MKLN1: variants seen among roughly 807,000 people sequenced by gnomAD.
MKLN1 encodes muskelin.
Under a neutral mutation model 99.0 loss-of-function variants are expected in MKLN1, and 18 were observed. The observed-to-expected ratio is 0.18, with a 90% CI of 0.13 to 0.27. The LOEUF is 0.27. Ranked by LOEUF, MKLN1 falls within the 10% of genes least tolerant of loss-of-function variation. The probability of loss-of-function intolerance (pLI) is 1.00; values close to 1 mark genes in which losing one functional copy is unlikely to be tolerated. For synonymous variants in MKLN1, 288 were observed against 293.2 expected (o/e 0.98, Z 0.18); for missense variants, 621 against 875.9 (o/e 0.71, Z 3.67).
intron 3 of MKLN1, among the ~76,000 whole-genome samples, chr7:131,224,603 A>G (rs1797113065): frequency 6.6e-6 from 1 of 152,080 alleles, no homozygotes; most frequent in South Asian, 2.1e-4. Flanking sequence ...TTAGCAGGGC[A>G]TGGTGGCATG....
At chr7:131,281,912 G>A (rs531476350) in intron 3 of MKLN1, among the ~76,000 whole-genome samples, 11 of 151,936 alleles carry the variant, frequency 7.2e-5, no homozygotes, top group South Asian at 2.1e-4. Flanking sequence ...GGCCTCAAGC[G>A]TCCTCCCACC....
chr7:131,284,453 T>C (rs552800800), intron 3 of MKLN1, among the ~76,000 whole-genome samples: 1 of 152,218 alleles, frequency 6.6e-6, no homozygotes, highest in Admixed American at 6.5e-5. Context: ...TATATTGATA[T>C]GTGGATTGTC....
Position 131,489,686 on chromosome 7 carries a change from AC to A in MKLN1, c.*1960del, listed in dbSNP as rs2116719893. ...AGCAAGTGAAATTCTGCTGCCCTCC[AC>A]CATTTATTTTTACAGTGCTTTGTAA... On this transcript the variant is annotated 3_prime_UTR_variant, in exon 18 of 18. Coordinates refer to ENST00000352689, the MANE Select transcript of MKLN1 (RefSeq NM_013255.5). 1.3e-5 allele frequency: 2 copies of A among 152,150 alleles called. No individual in the cohort carries two copies. The highest frequency in any genetic ancestry group is 2.1e-4 in the South Asian group (1 of 4,820). The allele number at this position is 152,150 out of a possible 1,614,324, so 9.4% of individuals were successfully genotyped here.
intron 16 of MKLN1, among the ~76,000 whole-genome samples, chr7:131,471,354 TGAA>T (rs1376935706): frequency 1.3e-5 from 2 of 152,070 alleles, no homozygotes; most frequent in African/African-American, 4.8e-5. Context: ...AGGGAGAAAA[TGAA>T]GAGAGGTTGG....
chr7:131,312,789 A>G (rs865776305), intron 3 of MKLN1, among the ~76,000 whole-genome samples: 11 of 152,180 alleles, frequency 7.2e-5, no homozygotes, highest in African/African-American at 2.7e-4. Context: ...AGTAACCCTA[A>G]TTTTCAGTGA....
intron 2 of MKLN1, among the ~76,000 whole-genome samples, chr7:131,184,617 C>T (rs533609084): frequency 1.3e-5 from 2 of 152,082 alleles, no homozygotes; most frequent in Admixed American, 6.5e-5. Flanking sequence ...CTCCGCCTCC[C>T]GGGTTCAAGC....
At chr7:131,132,064 T>C (rs370397148) in intron 1 of MKLN1, among the ~76,000 whole-genome samples, 1 of 152,326 alleles carries the variant, frequency 6.6e-6, no homozygotes, top group East Asian at 1.9e-4. Context: ...GAAAAGCCAA[T>C]GTAAAAATAC....
At chr7:131,228,786 A>G (rs934129279) in intron 3 of MKLN1, among the ~76,000 whole-genome samples, 2 of 152,226 alleles carry the variant, frequency 1.3e-5, no homozygotes. Context: ...CCCATCATTA[A>G]CACAACCTTC....
intron 3 of MKLN1, among the ~76,000 whole-genome samples, chr7:131,237,479 G>A (rs1045561717): frequency 3.9e-5 from 6 of 152,172 alleles, no homozygotes. Context: ...TAGGATGTAC[G>A]TTAGAGCCAG....
At chr7:131,480,036 A>C (rs931007354) in intron 17 of MKLN1, among the ~76,000 whole-genome samples, 2 of 150,498 alleles carry the variant, frequency 1.3e-5, no homozygotes, top group Non-Finnish European at 3.0e-5. Context: ...AAAAAAAAAA[A>C]AAAAATACCA....
At chr7:131,450,060 A>G (rs544584505) in intron 12 of MKLN1, among the ~76,000 whole-genome samples, 106 of 152,132 alleles carry the variant, frequency 7.0e-4, no homozygotes, top group African/African-American at 2.0e-3. Context: ...AGTCATGCCA[A>G]TTTTGCCTCA....
intron 2 of MKLN1, among the ~76,000 whole-genome samples, chr7:131,201,388 A>C (rs989528418): frequency 5.9e-5 from 9 of 152,236 alleles, no homozygotes; most frequent in Non-Finnish European, 1.3e-4. Flanking sequence ...CTGAGGAAGC[A>C]CCAACTTGAA....
At chr7:131,120,505 C>T (rs1416257802) in intron 1 of MKLN1, among the ~76,000 whole-genome samples, 32 of 139,822 alleles carry the variant, frequency 2.3e-4, no homozygotes, top group South Asian at 8.9e-4. Context: ...GCTGAGATCA[C>T]GCCACTGCAC....
At chr7:131,227,416 T>C (rs1797165581) in intron 3 of MKLN1, among the ~76,000 whole-genome samples, 1 of 151,478 alleles carries the variant, frequency 6.6e-6, no homozygotes, top group South Asian at 2.1e-4. Context: ...TTTCCCTCTC[T>C]CTCTTTCTCC....
chr7:131,444,763 AAGTAGTAGTAGTAGTAGTAGTAGTAGT>A (rs60459266), intron 11 of MKLN1, among the ~76,000 whole-genome samples: 7 of 117,960 alleles, frequency 5.9e-5, no homozygotes, highest in African/African-American at 2.2e-4. Flanking sequence ...GTAGTAGAAG[AAGTAGTAGTAGTAGTAGTAGTAGTAGT>A]AGTAGTAGTA....
intron 2 of MKLN1, among the ~76,000 whole-genome samples, chr7:131,147,778 G>C (rs1224855000): frequency 6.6e-6 from 1 of 152,136 alleles, no homozygotes; most frequent in Non-Finnish European, 1.5e-5. Flanking sequence ...CAAAGAGCTG[G>C]AACTGACACA....
intron 1 of MKLN1, among the ~76,000 whole-genome samples, chr7:131,138,218 A>G (rs1795680723): frequency 6.6e-6 from 1 of 152,166 alleles, no homozygotes; most frequent in South Asian, 2.1e-4. Context: ...GGTGTGAGCC[A>G]CTGCGCCTGG....
intron 3 of MKLN1, among the ~76,000 whole-genome samples, chr7:131,388,222 CAT>C (rs11471347): frequency 0.067 from 10,186 of 152,062 alleles, 410 homozygotes; most frequent in East Asian, 0.19. Context: ...GGCCCATTAA[CAT>C]AATATTTTAT....
upstream of MKLN1, chr7:131,327,656 G>T: frequency 1.9e-6 from 1 of 530,940 alleles, no homozygotes. Context: ...TCCCCTCCAA[G>T]CCCCAGGGAA....
Sources: allele counts gnomAD v4.1 joint callset (sites outside exome capture counted in the v4.1 genomes callset), GRCh38; gene constraint gnomAD v4.1.1; transcripts MANE v1.5; gene names NCBI Gene and HGNC (gene_info 2026-07-23, HGNC 2026-07-21).